FBXW8: variants seen among roughly 807,000 people sequenced by gnomAD.
The protein encoded by FBXW8 is F-box and WD repeat domain containing 8.
In FBXW8, 57 loss-of-function variants were observed where a neutral mutation model predicts 65.3. The ratio of observed to expected loss-of-function variants is 0.87; its 90% confidence interval spans 0.71 to 1.09. The LOEUF (loss-of-function observed/expected upper bound fraction) is 1.09. FBXW8 is among the 50% of genes least tolerant of loss of function. The probability of loss-of-function intolerance (pLI) is 0.00; values close to 1 mark genes in which losing one functional copy is unlikely to be tolerated. For synonymous variants in FBXW8, 308 were observed against 330.2 expected (o/e 0.93, Z 0.73); for missense variants, 777 against 814.8 (o/e 0.95, Z 0.57).
At chr12:117,015,638 A>G (rs1315306854) in intron 8 of FBXW8, among the ~76,000 whole-genome samples, 1 of 152,178 alleles carries the variant, frequency 6.6e-6, no homozygotes, top group Non-Finnish European at 1.5e-5. Flanking sequence ...TCACTGAGCC[A>G]GCAAATTCCA....
chr12:116,954,567 A>G (rs1198627625), intron 4 of FBXW8, among the ~76,000 whole-genome samples: 2 of 152,224 alleles, frequency 1.3e-5, no homozygotes, highest in South Asian at 4.1e-4. Context: ...GATTAGACAC[A>G]TGCTACTGTA....
chr12:116,945,528 GGTGGGCA>G lies in FBXW8; in HGVS notation c.588+5_588+11del, dbSNP rs747887387. 5.6e-6 allele frequency: 9 copies of G among 1,613,112 alleles called. No individual in the cohort carries two copies. In the East Asian group the frequency reaches 1.6e-4, roughly 28 times the overall value. On this transcript the variant is annotated splice_donor_variant and splice_donor_5th_base_variant and intron_variant, in intron 3 of 10. Coordinates refer to ENST00000652555, the MANE Select transcript of FBXW8 (RefSeq NM_153348.3). LOFTEE classifies it high-confidence loss of function. ...AACACATGTTACGAACCAACTGGAA[GGTGGGCA>G]GTGGCCAATATCATTACCTGTGAAA...
At chr12:117,024,400 G>T in intron 9 of FBXW8, 80 bp downstream of exon 9, 1 of 1,530,272 alleles carries the variant, frequency 6.5e-7, no homozygotes. Context: ...ACCAGGCACG[G>T]TGCTAAATGC....
intron 5 of FBXW8, among the ~76,000 whole-genome samples, chr12:116,970,360 G>A (rs765833793): frequency 6.6e-6 from 1 of 152,198 alleles, no homozygotes; most frequent in Non-Finnish European, 1.5e-5. Context: ...ATCAAGCACG[G>A]CAAAGTGGCT....
chr12:117,025,926 G>A (rs1226012185), intron 9 of FBXW8, among the ~76,000 whole-genome samples: 2 of 152,220 alleles, frequency 1.3e-5, no homozygotes, highest in African/African-American at 2.4e-5. Flanking sequence ...GCCTTCCCCA[G>A]AGGTGTGGCC....
At chr12:116,951,982 A>G (rs1274950419) in intron 4 of FBXW8, among the ~76,000 whole-genome samples, 3 of 152,212 alleles carry the variant, frequency 2.0e-5, no homozygotes, top group Non-Finnish European at 4.4e-5. Flanking sequence ...TGCTTACTCT[A>G]CAGTCTTACA....
intron 2 of FBXW8, among the ~76,000 whole-genome samples, chr12:116,932,191 C>T (rs988598096): frequency 2.6e-5 from 4 of 152,118 alleles, no homozygotes; most frequent in African/African-American, 7.2e-5. Flanking sequence ...TGATTGCTAA[C>T]CATTTGGCCT....
chr12:116,947,843 A>G (rs971554641), intron 3 of FBXW8, among the ~76,000 whole-genome samples: 8 of 152,006 alleles, frequency 5.3e-5, no homozygotes, highest in African/African-American at 1.9e-4. Flanking sequence ...AGTAGGGGCT[A>G]GGAGTGGCAC....
chr12:116,937,365 G>A (rs577973836), intron 2 of FBXW8, among the ~76,000 whole-genome samples: 16 of 152,312 alleles, frequency 1.1e-4, no homozygotes, highest in South Asian at 4.1e-4. Flanking sequence ...TGTAAATAGA[G>A]GAGGGGTTCA....
intron 8 of FBXW8, among the ~76,000 whole-genome samples, chr12:117,011,835 CCT>C (rs1412182886): frequency 1.3e-5 from 2 of 152,072 alleles, no homozygotes; most frequent in African/African-American, 4.8e-5. Flanking sequence ...GGAGAAGAAA[CCT>C]CTGTTTTCTG....
In FBXW8 at chr12:116,964,684, C is replaced by T. The variant is rs374907142; in HGVS notation, c.678-13C>T. On this transcript the variant is annotated splice_polypyrimidine_tract_variant and intron_variant, in intron 4 of 10. Transcript: ENST00000652555. ...AATCTCCTTTTGGAACCAAGTGTGT[C>T]GTTCTCTTCCAGATATACATCAGGG... 2.7e-4 allele frequency: 435 copies of T among 1,613,252 alleles called. No homozygotes were observed. Among genetic ancestry groups the T allele is most frequent in the Non-Finnish European group, 3.5e-4 (409 of 1,179,874 alleles).
At chr12:116,947,848 T>C (rs1592873605) in intron 3 of FBXW8, among the ~76,000 whole-genome samples, 1 of 151,550 alleles carries the variant, frequency 6.6e-6, no homozygotes, top group Non-Finnish European at 1.5e-5. Flanking sequence ...GGGCTAGGAG[T>C]GGCACTGCTC....
At chr12:116,952,760 C>T (rs377589416) in intron 4 of FBXW8, among the ~76,000 whole-genome samples, 2 of 152,230 alleles carry the variant, frequency 1.3e-5, no homozygotes, top group African/African-American at 2.4e-5. Flanking sequence ...TGTTTTGAGA[C>T]ACAGTCTCAC....
intron 5 of FBXW8, among the ~76,000 whole-genome samples, chr12:116,971,191 C>T (rs142471503): frequency 2.3e-4 from 35 of 151,980 alleles, no homozygotes; most frequent in African/African-American, 7.7e-4. Flanking sequence ...AGTGAGCCTC[C>T]GTCTCTACAA....
At chr12:116,981,134 G>T (rs553284576) in intron 5 of FBXW8, among the ~76,000 whole-genome samples, 86 of 152,294 alleles carry the variant, frequency 5.6e-4, no homozygotes, top group Admixed American at 1.2e-3. Context: ...GAGCATTCTT[G>T]TAATTCAGTT....
In FBXW8 at chr12:116,966,581, G is replaced by A. The variant is rs141148558; in HGVS notation, c.835+1727G>A. 1.8e-3 allele frequency among the ~76,000 whole-genome samples: 281 copies of A among 152,280 alleles called. 1 individual carries two copies. Among genetic ancestry groups the A allele is most frequent in the South Asian group, 0.011 (52 of 4,822 alleles). Reference sequence around the variant, plus strand: ...ATTTGCAGCCCATGTCTCACATCTCGTGAGCTTGAAAATACAGCTTGAGGT... The same window carrying A: ...ATTTGCAGCCCATGTCTCACATCTCATGAGCTTGAAAATACAGCTTGAGGT... On this transcript the variant is annotated intron_variant, in intron 5 of 10. Coordinates refer to ENST00000652555, the MANE Select transcript of FBXW8 (RefSeq NM_153348.3).
intron 8 of FBXW8, among the ~76,000 whole-genome samples, chr12:117,017,567 G>A (rs893357947): frequency 2.6e-5 from 4 of 152,046 alleles, no homozygotes; most frequent in Non-Finnish European, 4.4e-5. Flanking sequence ...GGCATATAAG[G>A]TTATATTTAA....
intron 5 of FBXW8, among the ~76,000 whole-genome samples, chr12:116,967,178 A>G (rs1436159019): frequency 1.3e-5 from 2 of 149,986 alleles, no homozygotes; most frequent in Non-Finnish European, 3.0e-5. Flanking sequence ...TTTTTTTAAT[A>G]ACCTAATGGC....
At chr12:117,000,133 C>T (rs1953478972) in intron 7 of FBXW8, among the ~76,000 whole-genome samples, 1 of 152,200 alleles carries the variant, frequency 6.6e-6, no homozygotes, top group South Asian at 2.1e-4. Context: ...AGGCGCCCGC[C>T]ACCACGCCTG....
Sources: allele counts gnomAD v4.1 joint callset (sites outside exome capture counted in the v4.1 genomes callset), GRCh38; gene constraint gnomAD v4.1.1; transcripts MANE v1.5; gene names NCBI Gene and HGNC (gene_info 2026-07-23, HGNC 2026-07-21).